The following KDM5A variants were observed in gnomAD, a reference collection of about 807,000 sequenced individuals.
The protein encoded by KDM5A is lysine-specific demethylase 5A.
In KDM5A, 42 loss-of-function variants were observed where a neutral mutation model predicts 193.5. That is an observed-to-expected ratio of 0.22 (90% CI 0.17 to 0.28). The LOEUF is 0.28. Ranked by LOEUF, KDM5A falls within the 10% of genes least tolerant of loss-of-function variation. The pLI, the probability that KDM5A is intolerant of heterozygous loss-of-function variation, is 1.00. For synonymous variants in KDM5A, 796 were observed against 718.1 expected (o/e 1.11, Z -1.73); for missense variants, 1,692 against 2,055.1 (o/e 0.82, Z 3.42).
intron 1 of KDM5A, 103 bp downstream of exon 1, chr12:388,824 A>G: frequency 1.5e-6 from 2 of 1,353,548 alleles, no homozygotes; most frequent in South Asian, 1.2e-5. Context: ...CTCAAAAGAG[A>G]GTACATATGA....
At chr12:294,540 T>C (rs778199896) in intron 26 of KDM5A, among the ~76,000 whole-genome samples, 10 of 152,208 alleles carry the variant, frequency 6.6e-5, no homozygotes, top group African/African-American at 2.4e-4. Flanking sequence ...GGTAAGATAA[T>C]GAATGTGAAG....
intron 3 of KDM5A, among the ~76,000 whole-genome samples, chr12:379,948 A>G (rs985694175): frequency 2.0e-5 from 3 of 152,136 alleles, no homozygotes; most frequent in African/African-American, 4.8e-5. Flanking sequence ...CCCCTTCCCT[A>G]TTTTGAAATC....
chr12:362,465 T>C (rs1214606842), intron 5 of KDM5A, among the ~76,000 whole-genome samples: 2 of 152,230 alleles, frequency 1.3e-5, no homozygotes, highest in Non-Finnish European at 2.9e-5. Context: ...ATTTATACTC[T>C]GGTTTTTAAA....
At position 321,095 on chromosome 12, in the gene KDM5A, C is replaced by G. The variant is rs769572918; in HGVS notation, c.2441G>C (p.Ser814Thr). The change falls in exon 18 of 28, where the codon AGT becomes ACT. Residue 814 changes from serine to threonine, a missense_variant. Physicochemically the swap from Ser to Thr is moderately conservative, Grantham distance 58 (BLOSUM62 1). Around this residue, in one of 11 missense-constraint regions of KDM5A, gnomAD observed 965 missense variants for 1,061.0 expected, o/e 0.91. Coordinates refer to ENST00000399788, the MANE Select transcript of KDM5A (RefSeq NM_001042603.3). ...KKQKHRQSPD[S>T]GRTRTKLTVE... ...TGTCAGTTTGGTCCGAGTCCTCCCA[C>G]TATCTGGGCTCTGTCTGATGTGAAA... is the stretch of plus-strand genomic sequence containing the variant. 2 of 1,612,638 alleles carry G rather than the reference C, an allele frequency of 1.2e-6. No homozygotes were observed. Among genetic ancestry groups the G allele is most frequent in the Non-Finnish European group, 1.7e-6 (2 of 1,178,630 alleles).
rs1944699897 is a variant in KDM5A at position 389,288 on chromosome 12, G to A, written c.-197C>T. 2 of 705,530 alleles carry A rather than the reference G, an allele frequency of 2.8e-6. No individual in the cohort carries two copies. The highest frequency in any genetic ancestry group is 2.1e-5 in the Admixed American group (1 of 48,560). The allele number at this position is 705,530 out of a possible 1,614,324, so 43.7% of individuals were successfully genotyped here. A position where few individuals can be genotyped will look rare whatever the true frequency, so the allele number is the denominator to read the frequency against. On this transcript the variant is annotated 5_prime_UTR_variant, in exon 1 of 28. Transcript: ENST00000399788. ...TTTCTTGCAAGGCTTTTCCACTGAG[G>A]TTCAGGACTTTTCCGGAAGTTACCG...
At chr12:375,218 A>C (rs1944487502) in intron 3 of KDM5A, among the ~76,000 whole-genome samples, 1 of 152,194 alleles carries the variant, frequency 6.6e-6, no homozygotes, top group Admixed American at 6.5e-5. Context: ...TACACCAATC[A>C]GACACAGACT....
intron 24 of KDM5A, among the ~76,000 whole-genome samples, chr12:299,777 T>C (rs1363745913): frequency 6.6e-6 from 1 of 151,982 alleles, no homozygotes; most frequent in African/African-American, 2.4e-5. Flanking sequence ...GACCCACCAG[T>C]GTGCTGTATT....
intron 10 of KDM5A, among the ~76,000 whole-genome samples, chr12:347,329 A>G (rs1944091366): frequency 6.6e-6 from 1 of 152,210 alleles, no homozygotes; most frequent in South Asian, 2.1e-4. Context: ...GAAAATGGCC[A>G]TATTGCCCAA....
intron 5 of KDM5A, among the ~76,000 whole-genome samples, chr12:360,655 A>AC (rs1386606204): frequency 6.6e-6 from 1 of 152,252 alleles, no homozygotes; most frequent in East Asian, 1.9e-4. Context: ...GCTCAAAGTT[A>AC]GATTATAGAG....
intron 14 of KDM5A, 87 bp downstream of exon 14, chr12:328,748 G>A: frequency 1.7e-6 from 2 of 1,154,318 alleles, no homozygotes; most frequent in South Asian, 2.5e-5. Flanking sequence ...ACTCCTAGGG[G>A]ATAAGGGATG....
intron 3 of KDM5A, among the ~76,000 whole-genome samples, chr12:382,488 C>A (rs1944586453): frequency 1.3e-5 from 2 of 150,998 alleles, no homozygotes; most frequent in Admixed American, 1.3e-4. Context: ...GTGAAATCTT[C>A]TAAAAGTAAC....
At position 389,074 on chromosome 12, in the gene KDM5A, C is replaced by A. The variant is rs1391870382; in HGVS notation, c.18G>T (p.Pro6=). 77 of 1,608,618 alleles carry A rather than the reference C, an allele frequency of 4.8e-5. No homozygotes were observed. The highest frequency in any genetic ancestry group is 1.6e-4 in the Middle Eastern group (1 of 6,076). The change falls in exon 1 of 28, where the codon CCG becomes CCT. Residue 6 remains proline, a synonymous_variant. Coordinates refer to ENST00000399788, the MANE Select transcript of KDM5A (RefSeq NM_001042603.3). The stretch of plus-strand genomic sequence containing the variant: ...GCACGAACTCCGCCGCGTAGCCCCC[C>A]GGCCCCACGCCCGCCATTGCAACGG... The part of the protein sequence containing the change: MAGVG[P]GGYAAEFVPP...
At chr12:378,941 A>G (rs1944541667) in intron 3 of KDM5A, among the ~76,000 whole-genome samples, 1 of 146,912 alleles carries the variant, frequency 6.8e-6, no homozygotes, top group Admixed American at 6.9e-5. Flanking sequence ...CCTGGGTGAC[A>G]GAGTGAGACT....
chr12:335,876 T>G (rs1358905727), intron 10 of KDM5A, among the ~76,000 whole-genome samples: 1 of 150,808 alleles, frequency 6.6e-6, no homozygotes, highest in Non-Finnish European at 1.5e-5. Context: ...ACCCTGTCTC[T>G]ACTAAAAATA....
intron 24 of KDM5A, among the ~76,000 whole-genome samples, chr12:305,978 T>TTTTC (rs1555128076): frequency 7.0e-6 from 1 of 143,334 alleles, no homozygotes; most frequent in Non-Finnish European, 1.5e-5. Flanking sequence ...TGTTTTTTTT[T>TTTTC]TTTTTTTTTT....
At position 284,557 on chromosome 12, in the gene KDM5A, T is replaced by C; in HGVS notation, c.*899A>G. 1 of 232,984 alleles carries C rather than the reference T, an allele frequency of 4.3e-6. No individual in the cohort carries two copies. The highest frequency in any genetic ancestry group is 8.5e-6 in the Non-Finnish European group (1 of 117,648). The allele number at this position is 232,984 out of a possible 1,614,324, so 14.4% of individuals were successfully genotyped here. A position where few individuals can be genotyped will look rare whatever the true frequency, so the allele number is the denominator to read the frequency against. On this transcript the variant is annotated 3_prime_UTR_variant, in exon 28 of 28. Coordinates refer to ENST00000399788, the MANE Select transcript of KDM5A (RefSeq NM_001042603.3). ...TGAAGCCTGGTGTCTGGAATACTTG[T>C]GAATGAAGTTTTCCCCGAAAAGCAT...
In KDM5A at chr12:389,131, C is replaced by G. The variant is rs768886738; in HGVS notation, c.-40G>C. ...GGGGGGGGGGGTCCCCGTGGGGAAC[C>G]GGTGGAGAAAAGCTGGCTGAAGCCC... is the stretch of plus-strand genomic sequence containing the variant. On this transcript the variant is annotated 5_prime_UTR_variant, in exon 1 of 28. Transcript: ENST00000399788. 6 of 1,583,422 alleles carry G rather than the reference C, an allele frequency of 3.8e-6. No homozygotes were observed. The highest frequency in any genetic ancestry group is 5.2e-6 in the Non-Finnish European group (6 of 1,158,056).
rs547992976 is a variant in KDM5A, at chr12:289,629, T to C, written c.4866+3130A>G. On this transcript the variant is annotated intron_variant, in intron 27 of 27. Transcript: ENST00000399788. The stretch of plus-strand genomic sequence containing the variant: ...ATTCAGGAAGCTGTGGCAGGAGGAC[T>C]GCTGGAGCCCAGGAGATCAAGGCTG... 2.3e-3 allele frequency among the ~76,000 whole-genome samples: 349 copies of C among 149,736 alleles called. 4 individuals are homozygous for C. Among genetic ancestry groups the C allele is most frequent in the Non-Finnish European group, 3.0e-3 (202 of 67,780 alleles).
intron 1 of KDM5A, chr12:387,329 GAGAA>G: frequency 6.6e-6 from 2 of 303,526 alleles, no homozygotes; most frequent in South Asian, 2.6e-5. Context: ...GTGACATAAA[GAGAA>G]AGCATTATTT....
Sources: allele counts gnomAD v4.1 joint callset (sites outside exome capture counted in the v4.1 genomes callset), GRCh38; gene constraint gnomAD v4.1.1; regional missense constraint gnomAD v4.1.1; transcripts MANE v1.5; gene names NCBI Gene and HGNC (gene_info 2026-07-23, HGNC 2026-07-21).